GALNT18: variants seen among roughly 807,000 people sequenced by gnomAD.
The protein encoded by GALNT18 is GalNAc-transferase 18.
GALNT18 carries 44 observed loss-of-function variants against 69.5 expected under a neutral mutation model. The observed-to-expected ratio is 0.63, with a 90% confidence interval of 0.50 to 0.81. The LOEUF (loss-of-function observed/expected upper bound fraction) is 0.81. GALNT18 is among the 40% of genes least tolerant of loss of function. The pLI, the probability that GALNT18 is intolerant of heterozygous loss-of-function variation, is 0.00. For missense variants in GALNT18, 715 were observed against 810.0 expected (o/e 0.88, Z 1.42); for synonymous variants, 364 against 318.2 (o/e 1.14, Z -1.53).
intron 1 of GALNT18, among the ~76,000 whole-genome samples, chr11:11,507,770 T>G (rs1329793415): frequency 6.6e-6 from 1 of 152,180 alleles, no homozygotes; most frequent in Non-Finnish European, 1.5e-5. Context: ...TTTGAGTCAG[T>G]GGACTGGGAA....
At chr11:11,489,799 A>C (rs987901106) in intron 1 of GALNT18, among the ~76,000 whole-genome samples, 1 of 152,222 alleles carries the variant, frequency 6.6e-6, no homozygotes, top group African/African-American at 2.4e-5. Flanking sequence ...GGTAGGTATT[A>C]ATGTTATCCT....
At chr11:11,313,934 G>A (rs367875577) in intron 9 of GALNT18, among the ~76,000 whole-genome samples, 53 of 152,272 alleles carry the variant, frequency 3.5e-4, no homozygotes, top group East Asian at 1.2e-3. Flanking sequence ...CAGTTTGAAC[G>A]AGAGACCAAT....
chr11:11,356,677 T>C lies in GALNT18; in HGVS notation c.1093-15673A>G, dbSNP rs912598891. ...GTTGACTCCCCAAATCCTTCATCAA[T>C]TGTTACCTCGTTTGTGCATGTTATT... On this transcript the variant is annotated intron_variant, in intron 6 of 10. Coordinates refer to ENST00000227756, the MANE Select transcript of GALNT18 (RefSeq NM_198516.3). The surrounding 1 kb of genome is among the most constrained non-coding windows in gnomAD (Gnocchi z 4.4). Among the ~76,000 whole-genome samples, 3 of 152,150 alleles carry C rather than the reference T, an allele frequency of 2.0e-5. No individual in the cohort carries two copies. Among genetic ancestry groups the C allele is most frequent in the African/African-American group, 7.2e-5 (3 of 41,436 alleles).
In GALNT18 at chr11:11,444,911, C is replaced by A. The variant is rs184154656; in HGVS notation, c.428+3833G>T. On this transcript the variant is annotated intron_variant, in intron 2 of 10. Transcript: ENST00000227756. The surrounding 1 kb of genome is among the most constrained non-coding windows in gnomAD (Gnocchi z 4.4). The stretch of plus-strand genomic sequence containing the variant: ...CAAGAGCCACACAGCATGAATCTTC[C>A]AGAGACTGCAGTGACTGTGGGCTTC... 3.3e-5 allele frequency among the ~76,000 whole-genome samples: 5 copies of A among 152,330 alleles called. No individual in the cohort carries two copies. In the East Asian group the frequency reaches 9.7e-4, roughly 29 times the overall value.
chr11:11,276,981 TTG>T (rs1848963862), intron 10 of GALNT18, among the ~76,000 whole-genome samples: 2 of 152,208 alleles, frequency 1.3e-5, no homozygotes, highest in South Asian at 2.1e-4. Context: ...TCTTTTTTTG[TTG>T]TGTCTCTGCC....
At chr11:11,481,268 C>T (rs1310538206) in intron 1 of GALNT18, among the ~76,000 whole-genome samples, 2 of 116,212 alleles carry the variant, frequency 1.7e-5, no homozygotes, top group African/African-American at 6.4e-5. Context: ...GCTACAGCTA[C>T]ACCTCTACAT....
rs1304556877 is a variant in GALNT18, at chr11:11,444,600, G to A, written c.428+4144C>T. 6.6e-6 allele frequency among the ~76,000 whole-genome samples: 1 copy of A among 152,124 alleles called. No homozygotes were observed. The highest frequency in any genetic ancestry group is 2.4e-5 in the African/African-American group (1 of 41,414). On this transcript the variant is annotated intron_variant, in intron 2 of 10. Transcript: ENST00000227756. This position sits in a 1 kb window ranked among gnomAD's most constrained non-coding sequence, Gnocchi z 4.4. The stretch of plus-strand genomic sequence containing the variant: ...GTCTATAAGGCACTGGCACAGCATG[G>A]TCCTATCTCAGCCACATGACAAGCT...
intron 10 of GALNT18, among the ~76,000 whole-genome samples, chr11:11,283,875 AAAT>A: frequency 6.6e-6 from 1 of 152,196 alleles, no homozygotes; most frequent in Non-Finnish European, 1.5e-5. Context: ...TAAAAGAAAA[AAAT>A]CAAATTTGAA....
intron 9 of GALNT18, among the ~76,000 whole-genome samples, chr11:11,295,983 G>A (rs748401691): frequency 3.9e-5 from 6 of 152,100 alleles, no homozygotes; most frequent in Admixed American, 6.5e-5. Flanking sequence ...GGTCACCACC[G>A]AAGAAAGCTG....
chr11:11,271,393 T>G (rs1176234281), intron 10 of GALNT18, 103 bp from the exon 11 acceptor site: 30 of 1,222,220 alleles, frequency 2.5e-5, no homozygotes, highest in Non-Finnish European at 3.3e-5. Flanking sequence ...ATTATCTGTG[T>G]GGCCAGATCC....
intron 3 of GALNT18, among the ~76,000 whole-genome samples, chr11:11,423,357 G>T (rs4910342): frequency 1.9e-4 from 29 of 152,296 alleles, no homozygotes; most frequent in Admixed American, 9.8e-4. Flanking sequence ...ACATACACAT[G>T]CACATACATG....
chr11:11,296,073 A>C (rs1336396463), intron 9 of GALNT18, among the ~76,000 whole-genome samples: 1 of 152,148 alleles, frequency 6.6e-6, no homozygotes, highest in Non-Finnish European at 1.5e-5. Context: ...ACAGCCATAG[A>C]GTTAGACATC....
intron 10 of GALNT18, among the ~76,000 whole-genome samples, chr11:11,282,889 G>A (rs537619458): frequency 6.6e-6 from 1 of 152,058 alleles, no homozygotes; most frequent in Admixed American, 6.5e-5. Context: ...CAAAGCATGC[G>A]AGAAGGTGAT....
rs1365258104 is a variant in GALNT18, at chr11:11,555,422, C to A, written c.235+65937G>T. ...GAGCTCAGACTGCGACAGCATCAGCCCAGGAGTGGCCACGTGCCAGCAGGC... is the reference window on the plus strand; with the variant it reads ...GAGCTCAGACTGCGACAGCATCAGCACAGGAGTGGCCACGTGCCAGCAGGC... On this transcript the variant is annotated intron_variant, in intron 1 of 10. Coordinates refer to ENST00000227756, the MANE Select transcript of GALNT18 (RefSeq NM_198516.3). The surrounding 1 kb of genome is among the most constrained non-coding windows in gnomAD (Gnocchi z 4.7). Among the ~76,000 whole-genome samples, 6 of 152,228 alleles carry A rather than the reference C, an allele frequency of 3.9e-5. No individual in the cohort carries two copies. The highest frequency in any genetic ancestry group is 1.2e-4 in the African/African-American group (5 of 41,456).
At chr11:11,353,843 G>C (rs1850472076) in intron 6 of GALNT18, among the ~76,000 whole-genome samples, 1 of 152,144 alleles carries the variant, frequency 6.6e-6, no homozygotes, top group Non-Finnish European at 1.5e-5. Flanking sequence ...GCCAACTGAT[G>C]GCAGGTAATG....
chr11:11,569,643 T>C (rs1858738095), intron 1 of GALNT18, among the ~76,000 whole-genome samples: 1 of 152,200 alleles, frequency 6.6e-6, no homozygotes. Flanking sequence ...CCCATCTGCC[T>C]GGGCAAACTG....
chr11:11,428,322 G>A (rs902751516), intron 3 of GALNT18, among the ~76,000 whole-genome samples: 3 of 152,222 alleles, frequency 2.0e-5, no homozygotes, highest in Admixed American at 1.3e-4. Context: ...CCCTTTTGAG[G>A]GTTCAGCTCA....
intron 6 of GALNT18, among the ~76,000 whole-genome samples, chr11:11,369,759 G>A (rs537866971): frequency 1.3e-5 from 2 of 151,868 alleles, no homozygotes; most frequent in East Asian, 3.9e-4. Flanking sequence ...CGTTGTGCTT[G>A]GCCATAGTAG....
intron 10 of GALNT18, among the ~76,000 whole-genome samples, chr11:11,272,897 A>G (rs1848856218): frequency 6.6e-6 from 1 of 152,218 alleles, no homozygotes; most frequent in South Asian, 2.1e-4. Context: ...TCCCATAGCA[A>G]CAACGGACAT....
Sources: gnomAD v4.1 joint callset for allele counts (sites outside exome capture counted in the v4.1 genomes callset) on GRCh38, gnomAD v4.1.1 for gene constraint, Gnocchi (gnomAD v3.1) non-coding constraint, MANE v1.5 for transcripts, NCBI Gene and HGNC (gene_info 2026-07-23, HGNC 2026-07-21) for gene names.